The following NECAP2 variants were observed in gnomAD, a reference collection of about 807,000 sequenced individuals.
NECAP2 encodes the protein NECAP endocytosis associated 2.
NECAP2 carries 38 observed loss-of-function variants against 37.8 expected under a neutral mutation model. That is an observed-to-expected ratio of 1.01 (90% CI 0.78 to 1.32). The LOEUF (loss-of-function observed/expected upper bound fraction) is 1.32, where lower values mean the gene tolerates loss of function less well. NECAP2 is among the 40% of genes most tolerant of loss of function. NECAP2 has a pLI of 0.00. For missense variants in NECAP2, 316 were observed against 334.5 expected, an observed-to-expected ratio of 0.94 and a Z score of 0.43; for synonymous variants, 121 against 127.7, an observed-to-expected ratio of 0.95 and a Z score of 0.35.
chr1:16,447,269 C>T (rs1240464983), intron 2 of NECAP2, among the ~76,000 whole-genome samples: 1 of 150,348 alleles, frequency 6.7e-6, no homozygotes, highest in African/African-American at 2.5e-5. Context: ...TGTTGTGCCG[C>T]ACTGTCGAGT....
intron 7 of NECAP2, among the ~76,000 whole-genome samples, chr1:16,457,350 G>C (rs922156571): frequency 6.6e-6 from 1 of 152,098 alleles, no homozygotes; most frequent in African/African-American, 2.4e-5. Context: ...CCAGCTACTT[G>C]GGAGGCTGAG....
chr1:16,443,182 C>T (rs1419589156), intron 1 of NECAP2, among the ~76,000 whole-genome samples: 1 of 152,206 alleles, frequency 6.6e-6, no homozygotes, highest in African/African-American at 2.4e-5. Context: ...GGAAGTCCTA[C>T]GTGGAGGAGG....
At chr1:16,457,737 G>A (rs1354546330) in intron 7 of NECAP2, among the ~76,000 whole-genome samples, 2 of 120,356 alleles carry the variant, frequency 1.7e-5, no homozygotes, top group Non-Finnish European at 3.3e-5. Context: ...TTTGAGACAA[G>A]GTTTCACTCT....
chr1:16,451,919 C>T lies in NECAP2; in HGVS notation c.571C>T (p.Pro191Ser), dbSNP rs2086848814. ...STGGLSLLPP[P>S]PGGKTSTLIP... Reference sequence around the variant, plus strand: ...AGGAGGGCTGAGCCTGCTTCCCCCTCCCCCAGGGGGGAAAACCTCCACCCT... The same window carrying T: ...AGGAGGGCTGAGCCTGCTTCCCCCTTCCCCAGGGGGGAAAACCTCCACCCT... Residue 191 changes from proline (P) to serine (S), a missense_variant, in exon 6 of 8, where the codon CCC becomes TCC. This residue lies in a region of NECAP2 where 204 missense variants were observed against 188.6 expected (regional missense o/e 1.08). Coordinates refer to ENST00000337132, the MANE Select transcript of NECAP2 (RefSeq NM_018090.5). The T allele has an allele frequency of 1.9e-6, 3 of 1,613,822 alleles. No individual in the cohort carries two copies. The highest frequency in any genetic ancestry group is 2.5e-6 in the Non-Finnish European group (3 of 1,179,744).
intron 4 of NECAP2, among the ~76,000 whole-genome samples, chr1:16,448,740 G>A (rs959296103): frequency 3.3e-5 from 5 of 152,124 alleles, no homozygotes; most frequent in Non-Finnish European, 5.9e-5. Context: ...TGTAGAGACC[G>A]CATCTTAGTT....
intron 2 of NECAP2, among the ~76,000 whole-genome samples, chr1:16,446,661 A>G (rs964063480): frequency 6.6e-6 from 1 of 151,580 alleles, no homozygotes; most frequent in Non-Finnish European, 1.5e-5. Flanking sequence ...CTCCTGCCTC[A>G]GCCTCCCAGG....
In NECAP2 at chr1:16,443,096, G is replaced by T. The variant is rs923033106; in HGVS notation, c.93-536G>T. 2.0e-5 allele frequency among the ~76,000 whole-genome samples: 3 copies of T among 152,122 alleles called. No homozygotes were observed. In the East Asian group the frequency reaches 5.8e-4, roughly 29 times the overall value. The stretch of plus-strand genomic sequence containing the variant: ...CTCACTGGTCTCAAATGGTCGCTCT[G>T]ACTGCTGCAGTCAAGCAGTGTCAGA... On this transcript the variant is annotated intron_variant, in intron 1 of 7. Coordinates refer to ENST00000337132, the MANE Select transcript of NECAP2 (RefSeq NM_018090.5).
intron 2 of NECAP2, among the ~76,000 whole-genome samples, chr1:16,445,963 C>T (rs1283395554): frequency 6.6e-6 from 1 of 152,120 alleles, no homozygotes; most frequent in Non-Finnish European, 1.5e-5. Context: ...AATCCCAGCA[C>T]TTTGGGAGGC....
In NECAP2 at chr1:16,447,237, A is replaced by T. The variant is rs116046187; in HGVS notation, c.194-633A>T. On this transcript the variant is annotated intron_variant, in intron 2 of 7. Coordinates refer to ENST00000337132, the MANE Select transcript of NECAP2 (RefSeq NM_018090.5). ...CACATGGGAAAAACTGATGCCAGTCATAAATGCTTGTGGAAATTTTATGTT... is the reference window on the plus strand; with the variant it reads ...CACATGGGAAAAACTGATGCCAGTCTTAAATGCTTGTGGAAATTTTATGTT... Among the ~76,000 whole-genome samples the T allele has an allele frequency of 1.5e-3, 232 of 152,362 alleles. 1 individual carries two copies. Among genetic ancestry groups the T allele is most frequent in the Non-Finnish European group, 2.7e-3 (182 of 68,036 alleles).
chr1:16,458,305 G>A (rs1190608423), intron 7 of NECAP2, among the ~76,000 whole-genome samples: 1 of 151,972 alleles, frequency 6.6e-6, no homozygotes, highest in Admixed American at 6.6e-5. Context: ...CATGGGAAAG[G>A]GGTTAAGACT....
intron 1 of NECAP2, 132 bp from the exon 2 acceptor site, chr1:16,443,500 A>G (rs2086718108): frequency 2.9e-6 from 2 of 696,032 alleles, no homozygotes; most frequent in Non-Finnish European, 5.0e-6. Flanking sequence ...AGCCAAAGAT[A>G]TTTACTGTCT....
chr1:16,453,651 G>A (rs1205743727), intron 6 of NECAP2, among the ~76,000 whole-genome samples: 2 of 151,958 alleles, frequency 1.3e-5, no homozygotes, highest in Non-Finnish European at 2.9e-5. Context: ...ACCACGCCCA[G>A]CTAAGTTTTG....
intron 2 of NECAP2, among the ~76,000 whole-genome samples, chr1:16,446,458 C>T (rs553529339): frequency 2.0e-4 from 31 of 152,262 alleles, no homozygotes; most frequent in African/African-American, 7.0e-4. Context: ...ACGTGAGAGG[C>T]TGAAGCGGGA....
intron 6 of NECAP2, chr1:16,455,563 C>T: frequency 2.1e-6 from 1 of 482,626 alleles, no homozygotes; most frequent in Non-Finnish European, 3.7e-6. Flanking sequence ...CCCGCGGGCA[C>T]CCCTCGTTCC....
chr1:16,454,441 C>T (rs1313877788), intron 6 of NECAP2, among the ~76,000 whole-genome samples: 2 of 148,352 alleles, frequency 1.3e-5, no homozygotes, highest in East Asian at 2.0e-4. Context: ...CTGCAACCTC[C>T]GCTTCCTGGG....
intron 7 of NECAP2, among the ~76,000 whole-genome samples, chr1:16,456,124 A>G (rs543348639): frequency 5.9e-5 from 9 of 151,692 alleles, no homozygotes; most frequent in African/African-American, 2.2e-4. Flanking sequence ...CCCAGGTTCA[A>G]GCTATTCTCC....
chr1:16,444,051 C>T (rs967406548), intron 2 of NECAP2, among the ~76,000 whole-genome samples: 7 of 152,186 alleles, frequency 4.6e-5, no homozygotes, highest in South Asian at 2.1e-4. Flanking sequence ...TGAAGACAGG[C>T]GGGTGAGGAT....
At chr1:16,443,774 C>A in intron 2 of NECAP2, 42 bp downstream of exon 2, 1 of 1,495,676 alleles carries the variant, frequency 6.7e-7, no homozygotes, top group South Asian at 1.2e-5. Context: ...GGGCCGCACC[C>A]CACTTTATGA....
chr1:16,458,760 G>A (rs1367508342), intron 7 of NECAP2, 82 bp from the exon 8 acceptor site: 3 of 1,460,110 alleles, frequency 2.1e-6, no homozygotes, highest in Non-Finnish European at 2.8e-6. Flanking sequence ...AGCTTTTTCT[G>A]TCCAGAGAGA....
Sources: allele counts gnomAD v4.1 joint callset (sites outside exome capture counted in the v4.1 genomes callset), GRCh38; gene constraint gnomAD v4.1.1; regional missense constraint gnomAD v4.1.1; transcripts MANE v1.5; gene names NCBI Gene and HGNC (gene_info 2026-07-23, HGNC 2026-07-21).